Variants in EVL observed in about 807,000 individuals in gnomAD.
EVL encodes the protein ena/VASP-like protein.
Under a neutral mutation model 59.6 loss-of-function variants are expected in EVL, and 21 were observed. The ratio of observed to expected loss-of-function variants is 0.35; its 90% confidence interval spans 0.25 to 0.51. The LOEUF is 0.51. EVL is among the 20% of genes least tolerant of loss of function. The pLI, the probability that EVL is intolerant of heterozygous loss-of-function variation, is 0.97. For missense variants in EVL, 462 were observed against 546.6 expected (o/e 0.85, Z 1.54); for synonymous variants, 198 against 203.5 (o/e 0.97, Z 0.23).
chr14:100,055,368 T>C (rs2061712242), intron 1 of EVL, among the ~76,000 whole-genome samples: 1 of 152,216 alleles, frequency 6.6e-6, no homozygotes. Flanking sequence ...TCCCTCTTCA[T>C]GGCTTAAAAG....
chr14:100,120,620 C>T (rs1386522218), intron 3 of EVL, among the ~76,000 whole-genome samples: 1 of 152,110 alleles, frequency 6.6e-6, no homozygotes, highest in East Asian at 1.9e-4. Context: ...GAGTAGCGCA[C>T]AAAACACAGA....
intron 3 of EVL, among the ~76,000 whole-genome samples, chr14:100,099,419 G>GT (rs532512161): frequency 1.1e-4 from 17 of 152,176 alleles, no homozygotes; most frequent in Admixed American, 3.3e-4. Context: ...GAGTTTTGTG[G>GT]TTTTTTTAAG....
chr14:100,106,221 C>G (rs1886560749), intron 3 of EVL: 1 of 152,242 alleles, frequency 6.6e-6, no homozygotes, highest in Non-Finnish European at 1.5e-5. Flanking sequence ...AAAACTCAAG[C>G]CAGAGCTTGC....
intron 1 of EVL, among the ~76,000 whole-genome samples, chr14:99,981,304 C>T (rs938284044): frequency 2.0e-5 from 3 of 151,332 alleles, no homozygotes; most frequent in African/African-American, 4.9e-5. Context: ...TGGTGGCGGG[C>T]GCCTGTAATC....
intron 1 of EVL, among the ~76,000 whole-genome samples, chr14:100,013,449 T>A (rs2061029910): frequency 6.6e-6 from 1 of 152,126 alleles, no homozygotes; most frequent in African/African-American, 2.4e-5. Context: ...CATTTTAGGA[T>A]GAGGAAACTG....
intron 1 of EVL, among the ~76,000 whole-genome samples, chr14:99,977,764 A>G (rs1209044531): frequency 1.3e-5 from 2 of 152,040 alleles, no homozygotes; most frequent in Non-Finnish European, 2.9e-5. Flanking sequence ...CTACAGTAGC[A>G]TAAGAGCATT....
intron 3 of EVL, chr14:100,107,124 G>A (rs942162046): frequency 1.5e-5 from 6 of 398,666 alleles, no homozygotes; most frequent in Non-Finnish European, 2.7e-5. Context: ...TGGCCTTCAG[G>A]GCCGTGCCCC....
intron 1 of EVL, among the ~76,000 whole-genome samples, chr14:100,053,307 A>G (rs1446316479): frequency 6.6e-6 from 1 of 152,048 alleles, no homozygotes; most frequent in African/African-American, 2.4e-5. Flanking sequence ...TTCGCCTTCT[A>G]ATGGATATAT....
intron 1 of EVL, among the ~76,000 whole-genome samples, chr14:100,016,093 A>T (rs930020690): frequency 6.8e-6 from 1 of 146,530 alleles, no homozygotes; most frequent in Non-Finnish European, 1.5e-5. Context: ...AAAAAAAAAA[A>T]AAATTAATTA....
chr14:100,060,001 C>G (rs1452010325), intron 1 of EVL, among the ~76,000 whole-genome samples: 1 of 151,934 alleles, frequency 6.6e-6, no homozygotes, highest in Non-Finnish European at 1.5e-5. Flanking sequence ...GTCAGTAGAC[C>G]CTGAAATGCT....
chr14:100,039,068 G>A (rs939736953), intron 1 of EVL, among the ~76,000 whole-genome samples: 2 of 152,100 alleles, frequency 1.3e-5, no homozygotes, highest in Non-Finnish European at 1.5e-5. Flanking sequence ...AGGGAAAAAG[G>A]ACAGGTAAGA....
At position 100,084,791 on chromosome 14, in the gene EVL, A is replaced by G. The variant is rs760877640; in HGVS notation, c.116A>G (p.Asn39Ser). 9.4e-5 allele frequency: 152 copies of G among 1,614,226 alleles called. 4 individuals are homozygous for G. Among genetic ancestry groups the G allele is most frequent in the South Asian group, 7.7e-4 (70 of 91,082 alleles). ...GGCCAGCAGGGATTCAGCCGGATCA[A>G]CATCTACCACAACACTGCCAGCAAC... The part of the protein sequence containing the change: ...KPGQQGFSRI[N>S]IYHNTASNTF... The change falls in exon 2 of 14, where the codon AAC (asparagine) becomes AGC (serine). Residue 39 changes from asparagine to serine, a missense_variant. Coordinates refer to ENST00000392920, the MANE Select transcript of EVL (RefSeq NM_016337.3).
At chr14:100,124,045 T>TA (rs1053791389) in intron 4 of EVL, among the ~76,000 whole-genome samples, 2 of 152,212 alleles carry the variant, frequency 1.3e-5, no homozygotes, top group Non-Finnish European at 2.9e-5. Context: ...TCTAAAGTGT[T>TA]ACCACAGTGG....
chr14:100,059,556 C>T lies in EVL; in HGVS notation c.6-25131C>T, dbSNP rs530821400. 2.6e-5 allele frequency among the ~76,000 whole-genome samples: 4 copies of T among 152,266 alleles called. 1 individual carries two copies. The South Asian group carries it at 8.3e-4, about 32-fold the overall frequency. On this transcript the variant is annotated intron_variant, in intron 1 of 13. Transcript: ENST00000402714. ...CTTCATGAGGCCTGGCAGAGATCGCCTGCTGTAGGGCTGAGAGCTGAATGA... is the reference window on the plus strand; with the variant it reads ...CTTCATGAGGCCTGGCAGAGATCGCTTGCTGTAGGGCTGAGAGCTGAATGA...
At chr14:99,984,780 A>AT (rs1196900265) in intron 1 of EVL, among the ~76,000 whole-genome samples, 1 of 151,798 alleles carries the variant, frequency 6.6e-6, no homozygotes, top group Non-Finnish European at 1.5e-5. Context: ...CACCCGGCTA[A>AT]TTTTTTTGTA....
At chr14:100,131,259 C>G (rs78902146) in intron 7 of EVL, among the ~76,000 whole-genome samples, 306 of 152,336 alleles carry the variant, frequency 2.0e-3, no homozygotes, top group African/African-American at 7.2e-3. Context: ...AAGCACCTTT[C>G]TGTCTGAGAA....
intron 5 of EVL, 42 bp from the exon 6 acceptor site, chr14:100,128,477 G>T: frequency 6.2e-7 from 1 of 1,607,900 alleles, no homozygotes; most frequent in Non-Finnish European, 8.5e-7. Flanking sequence ...TTGGCCCCCA[G>T]CTGGGTGCTG....
intron 1 of EVL, among the ~76,000 whole-genome samples, chr14:100,028,796 C>T (rs1306842166): frequency 2.6e-5 from 4 of 152,118 alleles, no homozygotes; most frequent in Non-Finnish European, 5.9e-5. Context: ...GGCAACAGAG[C>T]GAGATTCCAT....
In EVL at chr14:100,130,190, C is replaced by T. The variant is rs1296941018; in HGVS notation, c.839+506C>T. Among the ~76,000 whole-genome samples the T allele has an allele frequency of 4.6e-5, 7 of 152,168 alleles. No individual in the cohort carries two copies. The highest frequency in any genetic ancestry group is 8.8e-5 in the Non-Finnish European group (6 of 68,028). The stretch of plus-strand genomic sequence containing the variant: ...CCTGAGCGACGGAGAGAGAGTAGTT[C>T]CATCTACATCCCGGCCGGGCTCTTG... On this transcript the variant is annotated intron_variant, in intron 7 of 13. Transcript: ENST00000392920. The surrounding 1 kb of genome is among the most constrained non-coding windows in gnomAD (Gnocchi z 4.8).
Sources: allele counts gnomAD v4.1 joint callset (sites outside exome capture counted in the v4.1 genomes callset), GRCh38; gene constraint gnomAD v4.1.1; non-coding constraint Gnocchi (gnomAD v3.1); transcripts MANE v1.5; gene names NCBI Gene and HGNC (gene_info 2026-07-23, HGNC 2026-07-21).